The following COL17A1 variants were observed in gnomAD, a reference collection of about 807,000 sequenced individuals.
COL17A1 encodes the protein collagen alpha-1(XVII) chain.
In COL17A1, 181 loss-of-function variants were observed where a neutral mutation model predicts 218.4. The observed-to-expected ratio is 0.83, with a 90% CI of 0.73 to 0.94. The LOEUF (loss-of-function observed/expected upper bound fraction) is 0.94. Ranked by LOEUF, COL17A1 falls within the 40% of genes least tolerant of loss-of-function variation. The pLI is 0.00. For synonymous variants in COL17A1, 721 were observed against 731.0 expected (o/e 0.99, Z 0.22); for missense variants, 1,924 against 1,945.9 (o/e 0.99, Z 0.21).
rs1370568618 is a variant in COL17A1, at chr10:104,060,161, T to G, written c.1099A>C (p.Ser367Arg). 1.2e-6 allele frequency: 2 copies of G among 1,614,076 alleles called. No individual in the cohort carries two copies. The highest frequency in any genetic ancestry group is 2.2e-5 in the East Asian group (1 of 44,886). Residue 367 changes from serine (S) to arginine (R), a missense_variant, in exon 14 of 56, where the codon AGC becomes CGC. Ser to Arg is a moderately radical substitution (Grantham distance 110, BLOSUM62 -1). Coordinates refer to ENST00000648076, the MANE Select transcript of COL17A1 (RefSeq NM_000494.4). ...GGGGAGGCTGTAAAGACCTTCCCGC[T>G]GTCCTTGGTCATGATGAGCAGCTCC... ...EMELLIMTKD[S>R]GKVFTASPAS...
intron 27 of COL17A1, 143 bp from the exon 28 acceptor site, chr10:104,050,267 A>G (rs1185666193): frequency 3.9e-6 from 5 of 1,273,840 alleles, no homozygotes; most frequent in Non-Finnish European, 3.3e-6. Context: ...AGGACACAGC[A>G]TTAATGCAGC....
In COL17A1 at chr10:104,050,493, G is replaced by A. The variant is rs752901708; in HGVS notation, c.2128+128C>T. 8.8e-5 allele frequency: 131 copies of A among 1,493,264 alleles called. 1 individual carries two copies. Among genetic ancestry groups the A allele is most frequent in the Admixed American group, 5.6e-4 (33 of 58,530 alleles). 92.5% of individuals were successfully genotyped at this position (1,493,264 alleles called of 1,614,324 possible). A position where few individuals can be genotyped will look rare whatever the true frequency, so the allele number is the denominator to read the frequency against. The stretch of plus-strand genomic sequence containing the variant: ...TTTGTGCCTCAGTTTCCCTATCTGA[G>A]AGGTTGGATTAGAATGAGATCTTGG... On this transcript the variant is annotated intron_variant, in intron 27 of 55. Coordinates refer to ENST00000648076, the MANE Select transcript of COL17A1 (RefSeq NM_000494.4).
chr10:104,063,898 C>T (rs1317153937), intron 10 of COL17A1, 80 bp from the exon 11 acceptor site: 2 of 1,591,422 alleles, frequency 1.3e-6, no homozygotes, highest in Non-Finnish European at 1.7e-6. Flanking sequence ...ACAGAAGCAC[C>T]AGAAGAAATG....
Position 104,035,256 on chromosome 10 carries a change from G to T in COL17A1, c.3619+7C>A, listed in dbSNP as rs753865850. On this transcript the variant is annotated splice_region_variant and intron_variant, in intron 50 of 55. Transcript: ENST00000648076. Reference sequence around the variant, plus strand: ...TGCCCTCCCCATCCCACTCCACAGTGCCCTACTATGTAAGTAAGACGAGAG... The same window carrying T: ...TGCCCTCCCCATCCCACTCCACAGTTCCCTACTATGTAAGTAAGACGAGAG... The T allele has an allele frequency of 6.2e-6, 10 of 1,610,184 alleles. No individual in the cohort carries two copies. The highest frequency in any genetic ancestry group is 1.3e-5 in the African/African-American group (1 of 75,018).
chr10:104,079,280 C>T (rs879649640), intron 2 of COL17A1, among the ~76,000 whole-genome samples: 8 of 152,278 alleles, frequency 5.3e-5, no homozygotes, highest in Admixed American at 3.9e-4. Context: ...GCACTACCTC[C>T]GTCTCTGGTG....
chr10:104,077,360 T>C, intron 4 of COL17A1, 62 bp downstream of exon 4: 4 of 1,343,096 alleles, frequency 3.0e-6, no homozygotes, highest in Non-Finnish European at 4.2e-6. Context: ...TGTAGGACTT[T>C]CTTGGTGTCT....
intron 30 of COL17A1, 93 bp downstream of exon 30, chr10:104,047,976 T>G: frequency 6.7e-7 from 1 of 1,491,198 alleles, no homozygotes; most frequent in East Asian, 2.3e-5. Flanking sequence ...TGCTATATGC[T>G]CCTCTGCACT....
intron 24 of COL17A1, 142 bp from the exon 25 acceptor site, chr10:104,051,658 C>T: frequency 1.0e-6 from 1 of 999,582 alleles, no homozygotes; most frequent in Non-Finnish European, 1.5e-6. Context: ...AGGGGTGACC[C>T]CAGTGCATGT....
At chr10:104,074,302 T>G in intron 5 of COL17A1, 71 bp from the exon 6 acceptor site, 1 of 1,608,178 alleles carries the variant, frequency 6.2e-7, no homozygotes, top group East Asian at 2.2e-5. Flanking sequence ...CGGGAGGTAG[T>G]GCCTGTTACT....
chr10:104,055,043 G>C (rs1420002909), intron 19 of COL17A1, 36 bp from the exon 20 acceptor site: 2 of 1,613,488 alleles, frequency 1.2e-6, no homozygotes, highest in South Asian at 2.2e-5. Context: ...GTGAGATGGG[G>C]CAAGAACCCA....
chr10:104,076,261 G>C, intron 5 of COL17A1, 40 bp downstream of exon 5: 1 of 1,612,892 alleles, frequency 6.2e-7, no homozygotes, highest in Non-Finnish European at 8.5e-7. Flanking sequence ...GTTGCTTGGG[G>C]AAGAGAATGG....
chr10:104,048,137 T>C, intron 29 of COL17A1, 33 bp from the exon 30 acceptor site: 1 of 1,613,548 alleles, frequency 6.2e-7, no homozygotes, highest in Non-Finnish European at 8.5e-7. Flanking sequence ...TCTCAGTTGC[T>C]CCTGGAGTGA....
chr10:104,076,367 T>A lies in COL17A1; in HGVS notation c.265A>T (p.Thr89Ser). The change falls in exon 5 of 56, where the codon ACT (threonine) becomes TCT (serine). Residue 89 changes from threonine to serine, a missense_variant. Coordinates refer to ENST00000648076, the MANE Select transcript of COL17A1 (RefSeq NM_000494.4). ...GTTGAGCCTGGGGAGTTGGGCAGAGTGGAGGCAGGTGAGTGAGCCCTCCTG... is the reference window on the plus strand; with the variant it reads ...GTTGAGCCTGGGGAGTTGGGCAGAGAGGAGGCAGGTGAGTGAGCCCTCCTG... ...SYRRAHSPAS[T>S]LPNSPGSTFE... 6.2e-7 allele frequency: 1 copy of A among 1,613,908 alleles called. No homozygotes were observed. Among genetic ancestry groups the A allele is most frequent in the Non-Finnish European group, 8.5e-7 (1 of 1,179,948 alleles).
At chr10:104,033,458 C>T (rs1483615506) in intron 52 of COL17A1, 83 bp from the exon 53 acceptor site, 2 of 1,509,332 alleles carry the variant, frequency 1.3e-6, no homozygotes, top group East Asian at 4.7e-5. Flanking sequence ...CTCCGAGTGT[C>T]AAACTCCCAA....
intron 4 of COL17A1, 47 bp downstream of exon 4, chr10:104,077,375 C>T (rs576284617): frequency 3.4e-6 from 5 of 1,481,710 alleles, no homozygotes; most frequent in Middle Eastern, 1.7e-4. Flanking sequence ...GTGTCTCTCT[C>T]TTTGTCACCC....
At chr10:104,070,336 C>G in intron 9 of COL17A1, 90 bp downstream of exon 9, 1 of 1,583,720 alleles carries the variant, frequency 6.3e-7, no homozygotes. Context: ...CTCACTTTCA[C>G]TGTTCTCTGG....
chr10:104,033,971 G>T lies in COL17A1; in HGVS notation c.4130C>A (p.Ala1377Asp). The T allele has an allele frequency of 6.2e-7, 1 of 1,614,166 alleles. No individual in the cohort carries two copies. The highest frequency in any genetic ancestry group is 8.5e-7 in the Non-Finnish European group (1 of 1,180,032). ...CTGCATGCTCTCTGACACCCTCACA[G>T]CCAGCTCATTGTAATCCAGATCTCC... is the stretch of plus-strand genomic sequence containing the variant. ...FAGDLDYNELAVRVSESMQRQ... is the reference protein window; with the variant it reads ...FAGDLDYNELDVRVSESMQRQ... The change falls in exon 52 of 56, where the codon GCT becomes GAT. Residue 1377 changes from alanine to aspartate, a missense_variant. Ala to Asp is a moderately radical substitution (Grantham distance 126). Coordinates refer to ENST00000648076, the MANE Select transcript of COL17A1 (RefSeq NM_000494.4).
rs1317725826 is a variant in COL17A1, at chr10:104,077,454, AG to A, written c.169del (p.Leu57Ter). ...GGGSRLEKQS[L>X]THGSSGYINS... ...TATGTAGCCGCTGCTGCCATGAGTCAGGCTTTGTTTCTCCAGCCGGCTCCCT... is the reference window on the plus strand; with the variant it reads ...TATGTAGCCGCTGCTGCCATGAGTCAGCTTTGTTTCTCCAGCCGGCTCCCT... On this transcript the variant is annotated frameshift_variant, in exon 4 of 56. Coordinates refer to ENST00000648076, the MANE Select transcript of COL17A1 (RefSeq NM_000494.4). LOFTEE classifies it high-confidence loss of function. 1 of 1,613,410 alleles carries A rather than the reference AG, an allele frequency of 6.2e-7. No homozygotes were observed. Among genetic ancestry groups the A allele is most frequent in the Non-Finnish European group, 8.5e-7 (1 of 1,179,848 alleles).
chr10:104,051,549 G>C, intron 24 of COL17A1, 33 bp from the exon 25 acceptor site: 1 of 1,613,768 alleles, frequency 6.2e-7, no homozygotes, highest in Admixed American at 1.7e-5. Context: ...AATCAGCAGA[G>C]GGGCAGATAC....
Sources: gnomAD v4.1 joint callset for allele counts (sites outside exome capture counted in the v4.1 genomes callset) on GRCh38, gnomAD v4.1.1 for gene constraint, MANE v1.5 for transcripts, NCBI Gene and HGNC (gene_info 2026-07-23, HGNC 2026-07-21) for gene names.